Variants in NTNG1 observed in about 807,000 individuals in gnomAD.
NTNG1 encodes netrin-G1.
In NTNG1, 16 loss-of-function variants were observed where a neutral mutation model predicts 54.0. That is an observed-to-expected ratio of 0.30 (90% confidence interval 0.20 to 0.45). The LOEUF (loss-of-function observed/expected upper bound fraction) is 0.45. Among genes scored for constraint, NTNG1 ranks in the 20% least tolerant of loss-of-function variants. NTNG1 has a pLI of 1.00. For missense variants in NTNG1, 530 were observed against 678.7 expected (o/e 0.78, Z 2.43); for synonymous variants, 255 against 263.1 (o/e 0.97, Z 0.30).
intron 2 of NTNG1, among the ~76,000 whole-genome samples, chr1:107,193,538 ATGTAT>A (rs1658112338): frequency 6.6e-6 from 1 of 151,888 alleles, no homozygotes; most frequent in South Asian, 2.1e-4. Context: ...AACTCTTGCT[ATGTAT>A]TGGCCACTTT....
chr1:107,146,392 T>A lies in NTNG1; in HGVS notation c.-525-1677T>A, dbSNP rs1654119147. 2.0e-5 allele frequency among the ~76,000 whole-genome samples: 3 copies of A among 152,122 alleles called. No homozygotes were observed. The South Asian group carries it at 6.2e-4, about 31-fold the overall frequency. ...TTCATCTCAAAAATGTAAATTTGTA[T>A]CATTTTAACACCTCAGATTATTAAT... is the stretch of plus-strand genomic sequence containing the variant. On this transcript the variant is annotated intron_variant, in intron 1 of 7. Coordinates refer to ENST00000370068, the MANE Select transcript of NTNG1 (RefSeq NM_001113226.3).
chr1:107,255,424 GT>G (rs1662871040), intron 2 of NTNG1, among the ~76,000 whole-genome samples: 1 of 152,132 alleles, frequency 6.6e-6, no homozygotes, highest in Non-Finnish European at 1.5e-5. Context: ...TTGTGATTTG[GT>G]TGGCTTTCTA....
chr1:107,273,538 G>A (rs779775935), intron 2 of NTNG1, among the ~76,000 whole-genome samples: 21 of 152,128 alleles, frequency 1.4e-4, no homozygotes, highest in Non-Finnish European at 2.6e-4. Context: ...ATCTGAAACA[G>A]CAGCCATGCT....
intron 2 of NTNG1, among the ~76,000 whole-genome samples, chr1:107,302,631 T>C (rs558971777): frequency 9.9e-5 from 15 of 152,028 alleles, no homozygotes; most frequent in African/African-American, 2.6e-4. Context: ...TATGTCAGAA[T>C]AGTACAGTTG....
At chr1:107,246,414 A>AAT (rs199826782) in intron 2 of NTNG1, among the ~76,000 whole-genome samples, 5,640 of 151,068 alleles carry the variant, frequency 0.037, 338 homozygotes, top group African/African-American at 0.13. Flanking sequence ...TAAGCAAAAA[A>AAT]AAAAAAAAAA....
chr1:107,416,039 A>T (rs1218942401), intron 5 of NTNG1, among the ~76,000 whole-genome samples: 1 of 152,196 alleles, frequency 6.6e-6, no homozygotes, highest in African/African-American at 2.4e-5. Context: ...TTAAAAAATT[A>T]AGATGAGATA....
chr1:107,250,207 A>G (rs2101615526), intron 2 of NTNG1, among the ~76,000 whole-genome samples: 1 of 152,328 alleles, frequency 6.6e-6, no homozygotes, highest in South Asian at 2.1e-4. Flanking sequence ...AGATAATGAG[A>G]TGGCTTCACA....
chr1:107,406,322 C>A (rs139448057), intron 4 of NTNG1, among the ~76,000 whole-genome samples: 1 of 152,144 alleles, frequency 6.6e-6, no homozygotes, highest in East Asian at 1.9e-4. Flanking sequence ...TAATGATTTT[C>A]ACAGTTACCA....
intron 2 of NTNG1, among the ~76,000 whole-genome samples, chr1:107,206,508 T>C (rs1374189949): frequency 6.6e-6 from 1 of 152,132 alleles, no homozygotes; most frequent in Admixed American, 6.5e-5. Flanking sequence ...AGGGTTCTTA[T>C]CATTACCTTT....
intron 3 of NTNG1, among the ~76,000 whole-genome samples, chr1:107,345,104 G>A (rs1669134684): frequency 6.6e-6 from 1 of 152,094 alleles, no homozygotes; most frequent in African/African-American, 2.4e-5. Context: ...GAGAGACTAG[G>A]GATCACGTCG....
chr1:107,382,345 GA>G (rs1186785935), intron 3 of NTNG1, among the ~76,000 whole-genome samples: 2 of 152,118 alleles, frequency 1.3e-5, no homozygotes, highest in Non-Finnish European at 2.9e-5. Context: ...CCCAACTAGT[GA>G]ATCAGCTAGT....
intron 3 of NTNG1, chr1:107,330,718 A>C (rs1433080333): frequency 6.6e-6 from 1 of 152,150 alleles, no homozygotes; most frequent in Non-Finnish European, 1.5e-5. Context: ...AGTGTTGTAG[A>C]GAGAGATTTG....
At chr1:107,350,284 A>G (rs1428335738) in intron 3 of NTNG1, among the ~76,000 whole-genome samples, 1 of 152,108 alleles carries the variant, frequency 6.6e-6, no homozygotes, top group Non-Finnish European at 1.5e-5. Flanking sequence ...CAGGATTCTA[A>G]TTCTTCATCA....
At chr1:107,267,049 T>G (rs1036719337) in intron 2 of NTNG1, among the ~76,000 whole-genome samples, 4 of 152,198 alleles carry the variant, frequency 2.6e-5, no homozygotes, top group African/African-American at 9.7e-5. Flanking sequence ...TGTACTACAA[T>G]GTACAAAAAA....
chr1:107,480,569 T>TCCCCCCCC, intron 7 of NTNG1, 42 bp from the exon 8 acceptor site: 1 of 609,596 alleles, frequency 1.6e-6, no homozygotes, highest in African/African-American at 1.8e-5. Flanking sequence ...CTGCTTCTCC[T>TCCCCCCCC]CCCCGCGCCC....
intron 5 of NTNG1, among the ~76,000 whole-genome samples, chr1:107,417,256 T>G (rs1231379997): frequency 1.3e-5 from 2 of 152,132 alleles, no homozygotes; most frequent in Non-Finnish European, 1.5e-5. Flanking sequence ...TCATCAAGAT[T>G]GCCTTTGCCT....
chr1:107,448,680 T>C (rs1007579278), intron 7 of NTNG1, among the ~76,000 whole-genome samples: 2 of 152,074 alleles, frequency 1.3e-5, no homozygotes, highest in Non-Finnish European at 2.9e-5. Context: ...GTTTATAAAA[T>C]AATGGTGGCT....
Position 107,233,964 on chromosome 1 carries a change from G to C in NTNG1, c.246+85125G>C, listed in dbSNP as rs573528947. ...TAGATCGAGGGGCGGATAATTAGCT[G>C]AACTAATTTTGCCTGTATTGTTCTG... On this transcript the variant is annotated intron_variant, in intron 2 of 7. Transcript: ENST00000370068. Among the ~76,000 whole-genome samples, 483 of 152,242 alleles carry C rather than the reference G, an allele frequency of 3.2e-3. 1 individual carries two copies. The highest frequency in any genetic ancestry group is 5.0e-3 in the Non-Finnish European group (338 of 67,996).
intron 2 of NTNG1, among the ~76,000 whole-genome samples, chr1:107,291,446 CAT>C (rs1175878005): frequency 3.9e-5 from 6 of 152,056 alleles, no homozygotes; most frequent in African/African-American, 1.2e-4. Flanking sequence ...ACCCCTAACC[CAT>C]GTGTCGTTCA....
Sources: gnomAD v4.1 joint callset for allele counts (sites outside exome capture counted in the v4.1 genomes callset) on GRCh38, gnomAD v4.1.1 for gene constraint, MANE v1.5 for transcripts, NCBI Gene and HGNC (gene_info 2026-07-23, HGNC 2026-07-21) for gene names.